The following PIK3CB variants were observed in gnomAD, a reference collection of about 807,000 sequenced individuals.
PIK3CB encodes the protein phosphatidylinositol 4,5-bisphosphate 3-kinase catalytic subunit beta isoform.
PIK3CB carries 39 observed loss-of-function variants against 136.8 expected under a neutral mutation model. The observed-to-expected ratio is 0.29, with a 90% CI of 0.22 to 0.37. The LOEUF is 0.37. Among genes scored for constraint, PIK3CB ranks in the 10% least tolerant of loss-of-function variants. PIK3CB has a pLI of 1.00. For synonymous variants in PIK3CB, 428 were observed against 436.6 expected (o/e 0.98, Z 0.25); for missense variants, 868 against 1,275.4 (o/e 0.68, Z 4.87).
At chr3:138,731,463 G>A (rs2044971449) in intron 8 of PIK3CB, among the ~76,000 whole-genome samples, 1 of 151,594 alleles carries the variant, frequency 6.6e-6, no homozygotes, top group African/African-American at 2.4e-5. Flanking sequence ...GTGTTCCCCA[G>A]GCTGGTCTTG....
Position 138,755,829 on chromosome 3 carries a change from C to A in PIK3CB, c.322G>T (p.Val108Phe). 2 of 1,613,192 alleles carry A rather than the reference C, an allele frequency of 1.2e-6. No individual in the cohort carries two copies. The highest frequency in any genetic ancestry group is 1.7e-6 in the Non-Finnish European group (2 of 1,179,488). The change falls in exon 4 of 24, where the codon GTT becomes TTT. Residue 108 changes from valine (V) to phenylalanine (F), a missense_variant. Transcript: ENST00000674063. ...CAACTTCTTGTCACTAATTTGAGAA[C>A]TGGAAGAAAAGGTCTGACATCACAG... ...RLCDVRPFLPVLKLVTRSCDP... is the reference protein window; with the variant it reads ...RLCDVRPFLPFLKLVTRSCDP...
At chr3:138,705,744 T>C (rs931431306) in intron 11 of PIK3CB, among the ~76,000 whole-genome samples, 5 of 152,170 alleles carry the variant, frequency 3.3e-5, no homozygotes, top group Non-Finnish European at 4.4e-5. Context: ...ACTTTCAGCT[T>C]ATTTTCTGAA....
At chr3:138,744,258 G>C (rs998808173) in intron 4 of PIK3CB, among the ~76,000 whole-genome samples, 2 of 151,332 alleles carry the variant, frequency 1.3e-5, no homozygotes, top group Non-Finnish European at 2.9e-5. Flanking sequence ...AGCCAGGCGT[G>C]GTGGTGGGTG....
chr3:138,810,359 G>T (rs1932965541), intron 1 of PIK3CB, among the ~76,000 whole-genome samples: 1 of 146,938 alleles, frequency 6.8e-6, no homozygotes, highest in South Asian at 2.2e-4. Context: ...GAAAAGGAGA[G>T]GGAAAGAGTA....
chr3:138,831,131 C>T (rs1435424289), intron 1 of PIK3CB, among the ~76,000 whole-genome samples: 1 of 138,966 alleles, frequency 7.2e-6, no homozygotes, highest in East Asian at 2.1e-4. Context: ...AAAAAAAATA[C>T]AAAAAATTAG....
intron 2 of PIK3CB, among the ~76,000 whole-genome samples, chr3:138,786,590 C>A (rs1054014771): frequency 1.3e-5 from 2 of 152,128 alleles, no homozygotes; most frequent in Non-Finnish European, 2.9e-5. Flanking sequence ...AGGTCATCCA[C>A]CCACCTCGGC....
chr3:138,706,168 G>T lies in PIK3CB; in HGVS notation c.1530+991C>A, dbSNP rs138441868. Among the ~76,000 whole-genome samples, 1,045 of 152,304 alleles carry T rather than the reference G, an allele frequency of 6.9e-3. 12 individuals carry two copies. Among genetic ancestry groups the T allele is most frequent in the African/African-American group, 0.024 (1,011 of 41,552 alleles). On this transcript the variant is annotated intron_variant, in intron 11 of 23. Transcript: ENST00000674063. ...TGCTGAGGCAGGACAGTTGCTTGAG[G>T]CAAGTAATTTGAGGCTCAATAATTG...
chr3:138,657,733 C>A lies in PIK3CB; in HGVS notation c.2899G>T (p.Val967Phe). Residue 967 changes from valine to phenylalanine, a missense_variant, in exon 22 of 24, where the codon GTC (valine) becomes TTC (phenylalanine). Val to Phe is a conservative substitution (Grantham distance 50). Around this residue, in one of 4 missense-constraint regions of PIK3CB, gnomAD observed 88 missense variants for 147.8 expected, o/e 0.60. Transcript: ENST00000674063. Reference protein sequence around the residue: ...PFILTYDFIHVIQQGKTGNTE... With the variant: ...PFILTYDFIHFIQQGKTGNTE... ...TTTCCTGTTTTTCCTTGTTGAATGACATGGATGAAATCATAGGTAAGAATA... is the reference window on the plus strand; with the variant it reads ...TTTCCTGTTTTTCCTTGTTGAATGAAATGGATGAAATCATAGGTAAGAATA... The A allele has an allele frequency of 6.2e-7, 1 of 1,613,666 alleles. No individual in the cohort carries two copies. The highest frequency in any genetic ancestry group is 8.5e-7 in the Non-Finnish European group (1 of 1,179,748).
At chr3:138,794,089 A>G (rs1251757187) in intron 2 of PIK3CB, among the ~76,000 whole-genome samples, 2 of 152,078 alleles carry the variant, frequency 1.3e-5, no homozygotes, top group Non-Finnish European at 2.9e-5. Flanking sequence ...CAGCCTCTCA[A>G]GTAGCTGGGA....
At chr3:138,713,301 C>A (rs1277232036) in intron 9 of PIK3CB, among the ~76,000 whole-genome samples, 1 of 151,800 alleles carries the variant, frequency 6.6e-6, no homozygotes, top group Non-Finnish European at 1.5e-5. Flanking sequence ...GCGTGGGCCA[C>A]TGCGCCTAGC....
Position 138,663,892 on chromosome 3 carries a change from G to A in PIK3CB, c.2796+14C>T, listed in dbSNP as rs200500832. 1 of 1,612,028 alleles carries A rather than the reference G, an allele frequency of 6.2e-7. No homozygotes were observed. Among genetic ancestry groups the A allele is most frequent in the East Asian group, 2.2e-5 (1 of 44,860 alleles). On this transcript the variant is annotated intron_variant, in intron 21 of 23. Transcript: ENST00000674063. Reference sequence around the variant, plus strand: ...ATTACTAAGGCCCTTGGCAGATCCTGAGGAGCAGCTCACCTGGCCAGTTTT... The same window carrying A: ...ATTACTAAGGCCCTTGGCAGATCCTAAGGAGCAGCTCACCTGGCCAGTTTT...
chr3:138,714,227 C>T (rs994337077), intron 9 of PIK3CB, among the ~76,000 whole-genome samples: 1 of 151,592 alleles, frequency 6.6e-6, no homozygotes, highest in African/African-American at 2.4e-5. Flanking sequence ...AATAAACCTG[C>T]CAAAAGAAAA....
intron 19 of PIK3CB, among the ~76,000 whole-genome samples, chr3:138,676,527 C>T (rs1427798142): frequency 6.6e-6 from 1 of 152,160 alleles, no homozygotes; most frequent in Non-Finnish European, 1.5e-5. Flanking sequence ...ATGTTTATAG[C>T]ATTAACTGTG....
chr3:138,798,610 G>A (rs1269772975), intron 1 of PIK3CB, among the ~76,000 whole-genome samples: 4 of 152,156 alleles, frequency 2.6e-5, no homozygotes, highest in Non-Finnish European at 5.9e-5. Context: ...AGGTGGGAAA[G>A]ACTTTCCACT....
chr3:138,815,178 C>G (rs1271389331), intron 1 of PIK3CB, among the ~76,000 whole-genome samples: 1 of 59,956 alleles, frequency 1.7e-5, no homozygotes, highest in Non-Finnish European at 3.4e-5. Flanking sequence ...TATATATATA[C>G]ATATATATAT....
intron 4 of PIK3CB, among the ~76,000 whole-genome samples, chr3:138,751,594 G>A (rs1306280306): frequency 6.6e-6 from 1 of 152,080 alleles, no homozygotes; most frequent in Non-Finnish European, 1.5e-5. Context: ...TAAGGCTACT[G>A]TAAAATTTAT....
intron 1 of PIK3CB, among the ~76,000 whole-genome samples, chr3:138,828,222 A>G (rs1292662442): frequency 2.5e-5 from 3 of 120,920 alleles, no homozygotes; most frequent in East Asian, 4.7e-4. Context: ...GTCTCGCTCT[A>G]TCGCCCAGGC....
chr3:138,828,310 C>G (rs1015226583), intron 1 of PIK3CB, among the ~76,000 whole-genome samples: 28 of 150,946 alleles, frequency 1.9e-4, no homozygotes, highest in Non-Finnish European at 3.1e-4. Flanking sequence ...CTCAGCCTCC[C>G]GAGTAGCTGG....
intron 14 of PIK3CB, 144 bp downstream of exon 14, chr3:138,694,642 G>C (rs2044096261): frequency 2.6e-6 from 2 of 774,968 alleles, no homozygotes; most frequent in African/African-American, 3.6e-5. Context: ...GAGTTGGGGA[G>C]CTGGCAGGAG....
Sources: allele counts gnomAD v4.1 joint callset (sites outside exome capture counted in the v4.1 genomes callset), GRCh38; gene constraint gnomAD v4.1.1; regional missense constraint gnomAD v4.1.1; transcripts MANE v1.5; gene names NCBI Gene and HGNC (gene_info 2026-07-23, HGNC 2026-07-21).